ZNF782: variants seen among roughly 807,000 people sequenced by gnomAD.
ZNF782 encodes zinc finger protein 782.
Under a neutral mutation model 13.0 loss-of-function variants are expected in ZNF782, and 12 were observed. The ratio of observed to expected loss-of-function variants is 0.92; its 90% CI spans 0.59 to 1.50. The LOEUF is 1.50. Ranked by LOEUF, ZNF782 falls within the 40% of genes most tolerant of loss-of-function variation. ZNF782 has a pLI of 0.00. For synonymous variants in ZNF782, 284 were observed against 283.0 expected (o/e 1.00, Z -0.04); for missense variants, 770 against 822.9 (o/e 0.94, Z 0.79).
At chr9:96,845,743 G>A (rs1267362338) in intron 3 of ZNF782, among the ~76,000 whole-genome samples, 1 of 152,184 alleles carries the variant, frequency 6.6e-6, no homozygotes, top group Admixed American at 6.5e-5. Flanking sequence ...GTTTCTGAGG[G>A]AGAAAAGAAA....
chr9:96,841,028 A>T (rs1851173246), intron 4 of ZNF782, among the ~76,000 whole-genome samples: 1 of 151,990 alleles, frequency 6.6e-6, no homozygotes, highest in Non-Finnish European at 1.5e-5. Context: ...AAAATAAAAG[A>T]GCAAGAAGAC....
At chr9:96,908,438 A>C in the ZNF782 span, among the ~76,000 whole-genome samples, 2 of 152,298 alleles carry the variant, frequency 1.3e-5, no homozygotes, top group Non-Finnish European at 2.9e-5. Flanking sequence ...CTAAAATGCA[A>C]GAGAAGCTCT....
rs1288797099 is a variant in ZNF782 at position 96,818,822 on chromosome 9, TC to T, written c.1200del (p.Ala402ProfsTer8). ...AGGCGTGACTTCTCACTGAAGGCTT[TC>T]CCGCACTCAGGACATTCATAGGGTT... ...GEKPYECPEC[G>X]KAFSEKSRLR... On this transcript the variant is annotated frameshift_variant, in exon 6 of 6. Coordinates refer to ENST00000481138, the MANE Select transcript of ZNF782 (RefSeq NM_001001662.3). LOFTEE classifies it low-confidence loss of function (END_TRUNC). The T allele has an allele frequency of 6.2e-7, 1 of 1,614,098 alleles. No homozygotes were observed. Among genetic ancestry groups the T allele is most frequent in the Non-Finnish European group, 8.5e-7 (1 of 1,180,006 alleles).
intron 1 of ZNF782, among the ~76,000 whole-genome samples, chr9:96,867,259 C>A (rs528009674): frequency 6.6e-6 from 1 of 152,224 alleles, no homozygotes; most frequent in East Asian, 1.9e-4. Context: ...AGGTCTTTCC[C>A]ATGCTGTTCT....
the ZNF782 span, chr9:96,931,966 A>G: frequency 4.7e-5 from 76 of 1,611,676 alleles, no homozygotes; most frequent in Non-Finnish European, 6.2e-5. Context: ...AGATGAGGAC[A>G]GAAGTGGGGC....
intron 5 of ZNF782, among the ~76,000 whole-genome samples, chr9:96,822,447 T>C (rs1850455913): frequency 6.6e-6 from 1 of 152,208 alleles, no homozygotes; most frequent in South Asian, 2.1e-4. Context: ...AAGTAGGTTG[T>C]GAGTTTACAA....
At chr9:96,834,065 C>A (rs76106679) in intron 4 of ZNF782, among the ~76,000 whole-genome samples, 1 of 152,092 alleles carries the variant, frequency 6.6e-6, no homozygotes, top group Non-Finnish European at 1.5e-5. Context: ...GGGAGGTGTT[C>A]GGTCACGGGG....
chr9:96,931,707 C>G, the ZNF782 span: 4 of 1,611,184 alleles, frequency 2.5e-6, no homozygotes, highest in Non-Finnish European at 3.4e-6. Flanking sequence ...TCACCTCTTT[C>G]CTTTGTCTCC....
chr9:96,836,057 T>C (rs1377606764), intron 4 of ZNF782, among the ~76,000 whole-genome samples: 1 of 152,188 alleles, frequency 6.6e-6, no homozygotes. Flanking sequence ...AGTGGAGCTA[T>C]CCAAGGGCTT....
chr9:96,901,089 G>T, the ZNF782 span, among the ~76,000 whole-genome samples: 1 of 149,162 alleles, frequency 6.7e-6, no homozygotes, highest in African/African-American at 2.5e-5. Flanking sequence ...GAACCAGGGA[G>T]GCAGAGGTTG....
At chr9:96,920,112 C>T in the ZNF782 span, among the ~76,000 whole-genome samples, 4 of 149,888 alleles carry the variant, frequency 2.7e-5, no homozygotes, top group African/African-American at 9.8e-5. Flanking sequence ...GATGCACTGC[C>T]AAAAGAAAAT....
chr9:96,819,839 C>T, intron 5 of ZNF782, 61 bp from the exon 6 acceptor site: 1 of 1,344,836 alleles, frequency 7.4e-7, no homozygotes, highest in Non-Finnish European at 1.0e-6. Flanking sequence ...TGGAATGGGA[C>T]ATATATGTAT....
chr9:96,823,931 G>C lies in ZNF782; in HGVS notation c.244+3149C>G, dbSNP rs144934371. Among the ~76,000 whole-genome samples, 803 of 152,224 alleles carry C rather than the reference G, an allele frequency of 5.3e-3. 8 individuals are homozygous for C. The highest frequency in any genetic ancestry group is 0.018 in the African/African-American group (754 of 41,536). On this transcript the variant is annotated intron_variant, in intron 5 of 5. Coordinates refer to ENST00000481138, the MANE Select transcript of ZNF782 (RefSeq NM_001001662.3). ...TAATCAATAGCTTACCAACCAAAAAGAGTCCAGGACCAGACAGATTCACAG... is the reference window on the plus strand; with the variant it reads ...TAATCAATAGCTTACCAACCAAAAACAGTCCAGGACCAGACAGATTCACAG...
intron 4 of ZNF782, among the ~76,000 whole-genome samples, chr9:96,844,629 T>TG (rs1009981029): frequency 2.6e-5 from 4 of 152,092 alleles, no homozygotes; most frequent in African/African-American, 7.2e-5. Context: ...AAGAATCTTC[T>TG]GGGGGGTGAT....
At chr9:96,852,279 C>T (rs753063130) in intron 2 of ZNF782, among the ~76,000 whole-genome samples, 1 of 152,164 alleles carries the variant, frequency 6.6e-6, no homozygotes, top group Admixed American at 6.5e-5. Flanking sequence ...AACACACACA[C>T]AAAAATAAAG....
At chr9:96,913,178 G>C in the ZNF782 span, among the ~76,000 whole-genome samples, 2 of 151,980 alleles carry the variant, frequency 1.3e-5, no homozygotes, top group Admixed American at 1.3e-4. Context: ...AGCCAGGTGT[G>C]GTGGTGCACA....
chr9:96,856,509 A>G (rs1388936101), upstream of ZNF782, among the ~76,000 whole-genome samples: 1 of 152,216 alleles, frequency 6.6e-6, no homozygotes, highest in Non-Finnish European at 1.5e-5. Context: ...CGAATGATCA[A>G]AGGTCAGTCT....
At chr9:96,929,358 G>C in the ZNF782 span, among the ~76,000 whole-genome samples, 12 of 151,930 alleles carry the variant, frequency 7.9e-5, 1 homozygote, top group Admixed American at 6.5e-4. Flanking sequence ...GTGTTGTGCT[G>C]GTGGCCCAGG....
intron 5 of ZNF782, among the ~76,000 whole-genome samples, chr9:96,821,248 C>T (rs754729606): frequency 4.9e-4 from 74 of 152,340 alleles, no homozygotes; most frequent in Non-Finnish European, 7.6e-4. Flanking sequence ...GTAGCTCTCA[C>T]TGCAACAGCC....
Sources: gnomAD v4.1 joint callset for allele counts (sites outside exome capture counted in the v4.1 genomes callset) on GRCh38, gnomAD v4.1.1 for gene constraint, MANE v1.5 for transcripts, NCBI Gene and HGNC (gene_info 2026-07-23, HGNC 2026-07-21) for gene names.